The following RAD52 variants were observed in gnomAD, a reference collection of about 807,000 sequenced individuals.
RAD52 encodes RAD52 DNA repair protein.
A neutral mutation model predicts 55.5 loss-of-function variants in RAD52; 47 were observed. The observed-to-expected ratio is 0.85, with a 90% CI of 0.67 to 1.08. The LOEUF (loss-of-function observed/expected upper bound fraction) is 1.08. RAD52 is among the 50% of genes least tolerant of loss of function. The pLI, the probability that RAD52 is intolerant of heterozygous loss-of-function variation, is 0.00. For missense variants in RAD52, 468 were observed against 522.8 expected, an observed-to-expected ratio of 0.90 and a Z score of 1.02; for synonymous variants, 184 against 198.9, an observed-to-expected ratio of 0.92 and a Z score of 0.63.
intron 2 of RAD52, among the ~76,000 whole-genome samples, chr12:931,901 G>A (rs547997533): frequency 6.6e-6 from 1 of 152,314 alleles, no homozygotes; most frequent in African/African-American, 2.4e-5. Context: ...ACTGCTTGCT[G>A]ATTTGGGTTT....
At chr12:929,279 T>C (rs1260213613) in intron 5 of RAD52, among the ~76,000 whole-genome samples, 1 of 152,202 alleles carries the variant, frequency 6.6e-6, no homozygotes, top group African/African-American at 2.4e-5. Flanking sequence ...AAAAAAAAGC[T>C]TGTTCATTGT....
chr12:930,021 G>C (rs1413697513), intron 4 of RAD52, 30 bp downstream of exon 4: 3 of 1,601,738 alleles, frequency 1.9e-6, no homozygotes, highest in Admixed American at 1.7e-5. Flanking sequence ...GGACAGTGCA[G>C]AAGTCCCCAC....
At chr12:926,519 AC>A (rs1373886853) in intron 6 of RAD52, among the ~76,000 whole-genome samples, 1 of 152,008 alleles carries the variant, frequency 6.6e-6, no homozygotes, top group African/African-American at 2.4e-5. Context: ...ATGAAAAACA[AC>A]AATAAAATAA....
chr12:954,783 G>A (rs1958582932), intron 1 of RAD52, among the ~76,000 whole-genome samples: 1 of 152,170 alleles, frequency 6.6e-6, no homozygotes, highest in Non-Finnish European at 1.5e-5. Context: ...AGCCTTGATA[G>A]AGTACTCTTT....
rs187269869 is a variant in RAD52, at chr12:946,364, G to A, written c.-19+3238C>T. Among the ~76,000 whole-genome samples, 535 of 152,256 alleles carry A rather than the reference G, an allele frequency of 3.5e-3. 2 individuals carry two copies. Among genetic ancestry groups the A allele is most frequent in the South Asian group, 0.015 (74 of 4,826 alleles). ...TCATTATTCAGGGTAGTTATGTCCT[G>A]TAAAGCCATCATGAACACTGAACTA... On this transcript the variant is annotated intron_variant, in intron 1 of 11. Coordinates refer to ENST00000358495, the MANE Select transcript of RAD52 (RefSeq NM_134424.4).
intron 6 of RAD52, chr12:926,712 C>G: frequency 7.5e-7 from 1 of 1,340,772 alleles, no homozygotes; most frequent in Non-Finnish European, 1.0e-6. Context: ...TATAAATTAC[C>G]CAGCCTCTGG....
intron 1 of RAD52, among the ~76,000 whole-genome samples, chr12:987,169 C>T (rs1959097141): frequency 1.3e-5 from 2 of 151,936 alleles, no homozygotes; most frequent in Admixed American, 6.6e-5. Context: ...CGAGGTTTCA[C>T]CATGTTGGCC....
rs552298164 is a variant in RAD52 at position 926,193 on chromosome 12, G to C, written c.468-668C>G. 8.0e-4 allele frequency among the ~76,000 whole-genome samples: 122 copies of C among 152,130 alleles called. 2 individuals are homozygous for C. Among genetic ancestry groups the C allele is most frequent in the Non-Finnish European group, 1.0e-3 (71 of 67,990 alleles). On this transcript the variant is annotated intron_variant, in intron 6 of 11. Transcript: ENST00000358495. ...TTCTCACTCAGCTCATGAGAGATCT[G>C]GTGGTTTTGAGTGTGGGGGCTGGGC...
rs1351322691 is a variant in RAD52, at chr12:912,736, AAAAAAAAAAC to A, written c.*645_*654del. The A allele has an allele frequency of 2.6e-4, 37 of 140,042 alleles. No homozygotes were observed. Among genetic ancestry groups the A allele is most frequent in the South Asian group, 2.5e-3 (12 of 4,778 alleles). 8.7% of individuals were successfully genotyped at this position (140,042 alleles called of 1,614,324 possible). On this transcript the variant is annotated 3_prime_UTR_variant, in exon 12 of 12. Coordinates refer to ENST00000358495, the MANE Select transcript of RAD52 (RefSeq NM_134424.4). ...AGACCCCGTCTCAAAAAAAAAAAAAAAAAAAAAAACAAAAAACAGCCTTTTTTCGTGGTCT... is the reference window on the plus strand; with the variant it reads ...AGACCCCGTCTCAAAAAAAAAAAAAAAAAAAACAGCCTTTTTTCGTGGTCT...
intron 1 of RAD52, among the ~76,000 whole-genome samples, chr12:965,596 A>G (rs1958749727): frequency 1.3e-5 from 2 of 151,774 alleles, no homozygotes; most frequent in Non-Finnish European, 2.9e-5. Flanking sequence ...GTATTTCCCT[A>G]CTTTCCTTAT....
chr12:914,052 G>T lies in RAD52; in HGVS notation c.1037C>A (p.Ser346Ter), dbSNP rs4987207. 20,913 of 1,614,122 alleles carry T rather than the reference G, an allele frequency of 0.013. 251 individuals carry two copies. The highest frequency in any genetic ancestry group is 0.047 in the South Asian group (4,288 of 91,084). Residue 346 changes from serine to a stop codon, truncating the protein, a stop_gained, in exon 11 of 12, where the codon TCG (serine) becomes TAG (stop). Transcript: ENST00000358495. LOFTEE classifies it high-confidence loss of function. ...GGTCTGGGCTGGGTCTGCTCTAGAC[G>T]AGGGCTTGACCACACCATCCCCTGC... is the stretch of plus-strand genomic sequence containing the variant. The part of the protein sequence containing the change: ...PDAGDGVVKP[S>*]SRADPAQTSD...
At chr12:931,163 A>G (rs2154114329) in intron 3 of RAD52, 57 bp downstream of exon 3, 2 of 1,415,092 alleles carry the variant, frequency 1.4e-6, no homozygotes, top group Non-Finnish European at 2.0e-6. Context: ...GGAACTGGCA[A>G]GACCATCGGA....
In RAD52 at chr12:934,083, C is replaced by G. The variant is rs1175765299; in HGVS notation, c.-18-1007G>C. Among the ~76,000 whole-genome samples the G allele has an allele frequency of 2.8e-5, 4 of 143,162 alleles. No individual in the cohort carries two copies. The Admixed American group carries it at 2.9e-4, about 11-fold the overall frequency. 93.9% of individuals were successfully genotyped at this position (143,162 alleles called of 152,430 possible). A position where few individuals can be genotyped will look rare whatever the true frequency, so the allele number is the denominator to read the frequency against. On this transcript the variant is annotated intron_variant, in intron 1 of 11. Transcript: ENST00000358495. Reference sequence around the variant, plus strand: ...CCCCATCGCACTCCAGCCTGGGTGACAGAGTGTCTGACTCTGTCTCAAAAA... The same window carrying G: ...CCCCATCGCACTCCAGCCTGGGTGAGAGAGTGTCTGACTCTGTCTCAAAAA...
At chr12:973,285 G>A (rs893599072) in intron 1 of RAD52, among the ~76,000 whole-genome samples, 1 of 152,074 alleles carries the variant, frequency 6.6e-6, no homozygotes, top group Non-Finnish European at 1.5e-5. Context: ...TAGCCAGGAT[G>A]GTCTCGATCT....
intron 1 of RAD52, among the ~76,000 whole-genome samples, chr12:982,535 T>C (rs141356659): frequency 6.6e-6 from 1 of 152,200 alleles, no homozygotes; most frequent in East Asian, 1.9e-4. Context: ...AAATTCTTTG[T>C]GGAAGAAAGG....
At chr12:991,108 G>A (rs1199518183), upstream of RAD52, 1 of 151,606 alleles carries the variant, frequency 6.6e-6, no homozygotes, top group East Asian at 2.0e-4. Context: ...GCTCCCGGGA[G>A]GCTGAGGGAA....
At chr12:916,232 G>T in intron 9 of RAD52, 112 bp downstream of exon 9, 1 of 1,508,920 alleles carries the variant, frequency 6.6e-7, no homozygotes, top group South Asian at 1.3e-5. Context: ...AGAAGTCCCA[G>T]CGAGGCCTGG....
At chr12:924,940 T>C (rs1203566950) in intron 7 of RAD52, among the ~76,000 whole-genome samples, 1 of 141,762 alleles carries the variant, frequency 7.1e-6, no homozygotes, top group South Asian at 2.2e-4. Flanking sequence ...TCTTGTCAAA[T>C]GGTGTGATTT....
chr12:935,529 C>T (rs974757965), intron 1 of RAD52, among the ~76,000 whole-genome samples: 13 of 151,686 alleles, frequency 8.6e-5, no homozygotes, highest in Non-Finnish European at 1.3e-4. Context: ...TACAGGTGTG[C>T]GCCACCATGC....
Sources: gnomAD v4.1 joint callset for allele counts (sites outside exome capture counted in the v4.1 genomes callset) on GRCh38, gnomAD v4.1.1 for gene constraint, MANE v1.5 for transcripts, NCBI Gene and HGNC (gene_info 2026-07-23, HGNC 2026-07-21) for gene names.